The following PRKCB variants were observed in gnomAD, a reference collection of about 807,000 sequenced individuals.
PRKCB encodes protein kinase C beta.
PRKCB carries 13 observed loss-of-function variants against 81.5 expected under a neutral mutation model. That is an observed-to-expected ratio of 0.16 (90% CI 0.10 to 0.25). The LOEUF (loss-of-function observed/expected upper bound fraction) is 0.25, where lower values mean the gene tolerates loss of function less well. Ranked by LOEUF, PRKCB falls within the 10% of genes least tolerant of loss-of-function variation. PRKCB has a pLI of 1.00. For synonymous variants in PRKCB, 335 were observed against 321.4 expected, an observed-to-expected ratio of 1.04 and a Z score of -0.45; for missense variants, 509 against 875.7, an observed-to-expected ratio of 0.58 and a Z score of 5.29.
At chr16:24,129,211 A>G (rs530499363) in intron 9 of PRKCB, among the ~76,000 whole-genome samples, 1 of 152,282 alleles carries the variant, frequency 6.6e-6, no homozygotes, top group African/African-American at 2.4e-5. Context: ...GTATGCAGGA[A>G]AGTTTGAATG....
intron 2 of PRKCB, among the ~76,000 whole-genome samples, chr16:23,901,939 T>C (rs1963481022): frequency 6.6e-6 from 1 of 152,178 alleles, no homozygotes; most frequent in Non-Finnish European, 1.5e-5. Flanking sequence ...TTGTTCGTTA[T>C]GGTTTCACTG....
intron 2 of PRKCB, among the ~76,000 whole-genome samples, chr16:23,847,616 T>C (rs1028319608): frequency 1.3e-5 from 2 of 150,874 alleles, no homozygotes; most frequent in Admixed American, 1.3e-4. Flanking sequence ...ATTTAATATA[T>C]ATTTATTGGA....
chr16:24,185,678 C>T, intron 15 of PRKCB, 111 bp downstream of exon 15: 1 of 850,584 alleles, frequency 1.2e-6, no homozygotes. Flanking sequence ...CTCCACCCTT[C>T]ACTCCATTTG....
intron 2 of PRKCB, among the ~76,000 whole-genome samples, chr16:23,855,430 A>G (rs1962548535): frequency 6.6e-6 from 1 of 152,214 alleles, no homozygotes. Flanking sequence ...CAGGCAAACA[A>G]CAACAAAAAC....
intron 2 of PRKCB, among the ~76,000 whole-genome samples, chr16:23,851,189 A>G (rs1310345758): frequency 1.3e-5 from 2 of 151,918 alleles, no homozygotes; most frequent in East Asian, 1.9e-4. Context: ...TTTTTCCCTT[A>G]TGTTTTTCTC....
intron 2 of PRKCB, among the ~76,000 whole-genome samples, chr16:23,872,217 T>C (rs1431661719): frequency 6.6e-6 from 1 of 152,224 alleles, no homozygotes; most frequent in Admixed American, 6.5e-5. Context: ...TGCTTTTCCC[T>C]GAGTCCATGT....
chr16:24,141,948 T>C (rs1966907752), intron 9 of PRKCB, among the ~76,000 whole-genome samples: 2 of 152,202 alleles, frequency 1.3e-5, no homozygotes, highest in Admixed American at 6.5e-5. Flanking sequence ...GAATCCCCTA[T>C]ACACACCCAC....
chr16:24,098,762 T>G (rs1277211965), intron 7 of PRKCB: 1 of 152,180 alleles, frequency 6.6e-6, no homozygotes, highest in East Asian at 1.9e-4. Flanking sequence ...AAAGTTAACA[T>G]GTATCTTTGC....
At chr16:24,179,701 G>A (rs539418293) in intron 12 of PRKCB, among the ~76,000 whole-genome samples, 130 of 152,274 alleles carry the variant, frequency 8.5e-4, no homozygotes, top group Non-Finnish European at 1.5e-3. Context: ...AGATGTCACC[G>A]CCTTAGACAG....
At chr16:24,103,611 T>G (rs766064409) in intron 7 of PRKCB, among the ~76,000 whole-genome samples, 3 of 152,168 alleles carry the variant, frequency 2.0e-5, no homozygotes, top group Non-Finnish European at 2.9e-5. Flanking sequence ...GTTACCTGGG[T>G]ATATTGCATG....
intron 5 of PRKCB, among the ~76,000 whole-genome samples, chr16:24,065,060 AAT>A (rs1335668346): frequency 1.4e-5 from 2 of 147,734 alleles, no homozygotes; most frequent in African/African-American, 4.9e-5. Context: ...AAATAATATA[AAT>A]ATATATATAT....
At chr16:23,990,580 T>G (rs1185384775) in intron 3 of PRKCB, among the ~76,000 whole-genome samples, 1 of 151,816 alleles carries the variant, frequency 6.6e-6, no homozygotes, top group South Asian at 2.1e-4. Context: ...AATCTTGCTC[T>G]GTTGCCCAGG....
rs2141999431 is a variant in PRKCB, at chr16:24,220,484, T to G, written c.*5668T>G. 1 of 166,328 alleles carries G rather than the reference T, an allele frequency of 6.0e-6. No homozygotes were observed. Among genetic ancestry groups the G allele is most frequent in the East Asian group, 1.7e-4 (1 of 5,732 alleles). 10.3% of individuals were successfully genotyped at this position (166,328 alleles called of 1,614,324 possible). A position where few individuals can be genotyped will look rare whatever the true frequency, so the allele number is the denominator to read the frequency against. Reference sequence around the variant, plus strand: ...TACAGTTATTCTATAATATCTTCTTTGAATGCTAAGCATGAGCGATATTTT... The same window carrying G: ...TACAGTTATTCTATAATATCTTCTTGGAATGCTAAGCATGAGCGATATTTT... On this transcript the variant is annotated 3_prime_UTR_variant, in exon 17 of 17. Transcript: ENST00000643927.
chr16:24,055,749 A>T (rs1308606988), intron 5 of PRKCB, among the ~76,000 whole-genome samples: 6 of 152,206 alleles, frequency 3.9e-5, no homozygotes, highest in Non-Finnish European at 7.3e-5. Flanking sequence ...GCAGTCCCAA[A>T]GGATGTTCCA....
At chr16:24,167,642 C>T (rs1967368538) in intron 10 of PRKCB, among the ~76,000 whole-genome samples, 1 of 152,170 alleles carries the variant, frequency 6.6e-6, no homozygotes, top group African/African-American at 2.4e-5. Flanking sequence ...ACTAAATCTC[C>T]ATGTTCCTTC....
intron 2 of PRKCB, among the ~76,000 whole-genome samples, chr16:23,849,969 AC>A (rs201121058): frequency 0.011 from 1,711 of 152,070 alleles, 19 homozygotes; most frequent in Non-Finnish European, 0.016. Flanking sequence ...TTGATCAACA[AC>A]TCCTTCCCTC....
At chr16:24,052,998 C>T (rs1436466359) in intron 5 of PRKCB, among the ~76,000 whole-genome samples, 1 of 152,196 alleles carries the variant, frequency 6.6e-6, no homozygotes, top group Non-Finnish European at 1.5e-5. Flanking sequence ...CTATTTTCAA[C>T]TCTTTAAACT....
chr16:24,126,728 G>A (rs532447418), intron 9 of PRKCB, among the ~76,000 whole-genome samples: 177 of 152,026 alleles, frequency 1.2e-3, no homozygotes, highest in African/African-American at 4.0e-3. Flanking sequence ...TAGAGACAGG[G>A]TTTCACCATG....
At chr16:24,063,198 C>G (rs11640219) in intron 5 of PRKCB, among the ~76,000 whole-genome samples, 11,679 of 152,040 alleles carry the variant, frequency 0.077, 657 homozygotes, top group African/African-American at 0.14. Context: ...TTGTTGATCC[C>G]TTTAACCCTG....
Sources: allele counts gnomAD v4.1 joint callset (sites outside exome capture counted in the v4.1 genomes callset), GRCh38; gene constraint gnomAD v4.1.1; transcripts MANE v1.5; gene names NCBI Gene and HGNC (gene_info 2026-07-23, HGNC 2026-07-21).